Variants in VGLL3 observed in about 807,000 individuals in gnomAD.
The protein encoded by VGLL3 is vestigial like family member 3, also known as transcription cofactor vestigial-like protein 3.
VGLL3 carries 18 observed loss-of-function variants against 29.2 expected under a neutral mutation model. That is an observed-to-expected ratio of 0.62 (90% CI 0.43 to 0.91). VGLL3 has a LOEUF of 0.91. VGLL3 is among the 40% of genes least tolerant of loss of function. The pLI is 0.00. For missense variants in VGLL3, 440 were observed against 413.2 expected (o/e 1.06, Z -0.56); for synonymous variants, 180 against 151.8 (o/e 1.19, Z -1.36).
rs1704504002 is a variant in VGLL3, at chr3:86,946,258, A to C, written c.*766T>G. On this transcript the variant is annotated 3_prime_UTR_variant, in exon 4 of 4. Coordinates refer to ENST00000398399, the MANE Select transcript of VGLL3 (RefSeq NM_016206.4). Reference sequence around the variant, plus strand: ...TCTTTGGGAGAAATCAAAGCAATAAAATATCATTTCTTTAGCACAGTCATT... The same window carrying C: ...TCTTTGGGAGAAATCAAAGCAATAACATATCATTTCTTTAGCACAGTCATT... 1 of 152,178 alleles carries C rather than the reference A, an allele frequency of 6.6e-6. No homozygotes were observed. The highest frequency in any genetic ancestry group is 6.5e-5 in the Admixed American group (1 of 15,278). The allele number at this position is 152,178 out of a possible 1,614,324, so 9.4% of individuals were successfully genotyped here. A position where few individuals can be genotyped will look rare whatever the true frequency, so the allele number is the denominator to read the frequency against.
intron 2 of VGLL3, among the ~76,000 whole-genome samples, chr3:86,972,321 T>C (rs1705118421): frequency 6.6e-6 from 1 of 152,176 alleles, no homozygotes; most frequent in Non-Finnish European, 1.5e-5. Context: ...GAACTTAATA[T>C]TTTCCCAGTC....
At chr3:86,960,526 G>A (rs1289930600) in intron 3 of VGLL3, among the ~76,000 whole-genome samples, 1 of 152,112 alleles carries the variant, frequency 6.6e-6, no homozygotes, top group African/African-American at 2.4e-5. Context: ...TGCTATGAAA[G>A]TCTGTTCAGA....
At chr3:86,949,440 G>A (rs1466860583) in intron 3 of VGLL3, among the ~76,000 whole-genome samples, 1 of 151,942 alleles carries the variant, frequency 6.6e-6, no homozygotes, top group Non-Finnish European at 1.5e-5. Context: ...TAATTACCAG[G>A]CATTCATATT....
chr3:86,975,644 T>C (rs376629435), intron 2 of VGLL3, among the ~76,000 whole-genome samples: 2 of 152,208 alleles, frequency 1.3e-5, no homozygotes, highest in African/African-American at 4.8e-5. Flanking sequence ...AATCATTCAA[T>C]GCATATCTAT....
At position 86,938,810 on chromosome 3, in the gene VGLL3, C is replaced by T. The variant is rs1406338851; in HGVS notation, c.*8214G>A. On this transcript the variant is annotated 3_prime_UTR_variant, in exon 4 of 4. Transcript: ENST00000398399. The stretch of plus-strand genomic sequence containing the variant: ...GGACAAAAGTGTTAAAGCTTTACCA[C>T]GTCAATGTGGTCATATTTAGCTATT... 1 of 152,246 alleles carries T rather than the reference C, an allele frequency of 6.6e-6. No individual in the cohort carries two copies. Among genetic ancestry groups the T allele is most frequent in the Non-Finnish European group, 1.5e-5 (1 of 68,034 alleles). The allele number at this position is 152,246 out of a possible 1,614,324, so 9.4% of individuals were successfully genotyped here.
At chr3:86,987,825 T>C (rs1360517799) in intron 1 of VGLL3, among the ~76,000 whole-genome samples, 2 of 152,310 alleles carry the variant, frequency 1.3e-5, no homozygotes, top group African/African-American at 4.8e-5. Flanking sequence ...TACAGTTAAC[T>C]AGGTTTTTAA....
rs1705257687 is a variant in VGLL3, at chr3:86,978,619, C to T, written c.310G>A (p.Glu104Lys). Residue 104 changes from glutamate (E) to lysine (K), a missense_variant, in exon 2 of 4, where the codon GAA becomes AAA. Coordinates refer to ENST00000398399, the MANE Select transcript of VGLL3 (RefSeq NM_016206.4). ...FQGDIGSVVD[E>K]HFSRALGQAI... ...TGGCCCAAAGCTCTTGAGAAGTGTT[C>T]ATCCACTACTGACCCAATGTCTCCC... 3 of 1,614,156 alleles carry T rather than the reference C, an allele frequency of 1.9e-6. 1 individual carries two copies. The highest frequency in any genetic ancestry group is 2.2e-5 in the South Asian group (2 of 91,082).
At chr3:86,963,957 G>A (rs1203150969) in intron 3 of VGLL3, among the ~76,000 whole-genome samples, 1 of 152,190 alleles carries the variant, frequency 6.6e-6, no homozygotes, top group Admixed American at 6.5e-5. Flanking sequence ...GCACCCACCT[G>A]CATGAATGTG....
chr3:86,944,034 T>G lies in VGLL3; in HGVS notation c.*2990A>C, dbSNP rs564475884. On this transcript the variant is annotated 3_prime_UTR_variant, in exon 4 of 4. Coordinates refer to ENST00000398399, the MANE Select transcript of VGLL3 (RefSeq NM_016206.4). ...TCTAAGTCCAACAGCATCATTTTGA[T>G]GTGAAAAAAGAAGAGCCAGAGAATG... is the stretch of plus-strand genomic sequence containing the variant. The G allele has an allele frequency of 7.2e-5, 11 of 152,246 alleles. No individual in the cohort carries two copies. In the East Asian group the frequency reaches 2.1e-3, roughly 30 times the overall value. The allele number at this position is 152,246 out of a possible 1,614,324, so 9.4% of individuals were successfully genotyped here.
chr3:86,941,342 A>G lies in VGLL3; in HGVS notation c.*5682T>C, dbSNP rs1704393306. 6.6e-6 allele frequency: 1 copy of G among 152,490 alleles called. No homozygotes were observed. Among genetic ancestry groups the G allele is most frequent in the African/African-American group, 2.4e-5 (1 of 41,450 alleles). 9.4% of individuals were successfully genotyped at this position (152,490 alleles called of 1,614,324 possible). A position where few individuals can be genotyped will look rare whatever the true frequency, so the allele number is the denominator to read the frequency against. On this transcript the variant is annotated 3_prime_UTR_variant, in exon 4 of 4. Coordinates refer to ENST00000398399, the MANE Select transcript of VGLL3 (RefSeq NM_016206.4). ...TGTACATCTCTATTAATATAAAGTG[A>G]TATCAATAGGAAAGTTCACATCTTA...
intron 2 of VGLL3, 69 bp from the exon 3 acceptor site, chr3:86,969,192 T>A: frequency 6.8e-7 from 1 of 1,478,208 alleles, no homozygotes; most frequent in East Asian, 2.3e-5. Flanking sequence ...TGCCTCTAAT[T>A]GTCCACTCTA....
rs560088781 is a variant in VGLL3 at position 86,962,956 on chromosome 3, G to A, written c.937+5634C>T. ...TAAAAATACAAAAAATTAGCCGGGC[G>A]TGGTGGCAGATGCCTGTAATTCCAG... On this transcript the variant is annotated intron_variant, in intron 3 of 3. Transcript: ENST00000398399. 7.1e-5 allele frequency: 13 copies of A among 182,648 alleles called. No individual in the cohort carries two copies. The South Asian group carries it at 8.2e-4, about 12-fold the overall frequency. 11.3% of individuals were successfully genotyped at this position (182,648 alleles called of 1,614,324 possible).
chr3:86,986,822 G>T (rs1028905784), intron 1 of VGLL3, among the ~76,000 whole-genome samples: 27 of 151,908 alleles, frequency 1.8e-4, no homozygotes, highest in African/African-American at 6.0e-4. Context: ...CATCAACAAG[G>T]GTGCAACATG....
chr3:86,990,696 G>C lies in VGLL3; in HGVS notation c.48C>G (p.Ser16=). The C allele has an allele frequency of 3.5e-6, 5 of 1,431,996 alleles. No homozygotes were observed. The highest frequency in any genetic ancestry group is 4.6e-6 in the Non-Finnish European group (5 of 1,092,514). 88.7% of individuals were successfully genotyped at this position (1,431,996 alleles called of 1,614,324 possible). A position where few individuals can be genotyped will look rare whatever the true frequency, so the allele number is the denominator to read the frequency against. ...CTGCCATGGGGTTGGGCAGATACTG[G>C]GACGCTCCATAAGGCTGGGGGTGAT... is the stretch of plus-strand genomic sequence containing the variant. ...VMYHPQPYGA[S]QYLPNPMAAT... The change falls in exon 1 of 4, where the codon TCC becomes TCG. Residue 16 remains serine (S), a synonymous_variant. Coordinates refer to ENST00000398399, the MANE Select transcript of VGLL3 (RefSeq NM_016206.4).
chr3:86,983,295 A>G (rs1705367741), intron 1 of VGLL3, among the ~76,000 whole-genome samples: 1 of 152,234 alleles, frequency 6.6e-6, no homozygotes, highest in Non-Finnish European at 1.5e-5. Flanking sequence ...TTGGAGCTAT[A>G]AGAAGAAATC....
chr3:86,986,078 T>C (rs1439772879), intron 1 of VGLL3, among the ~76,000 whole-genome samples: 1 of 151,886 alleles, frequency 6.6e-6, no homozygotes, highest in African/African-American at 2.4e-5. Flanking sequence ...CACACGCACA[T>C]AGCCCAGCTT....
At chr3:86,973,105 T>A (rs556499946) in intron 2 of VGLL3, among the ~76,000 whole-genome samples, 17 of 152,002 alleles carry the variant, frequency 1.1e-4, no homozygotes, top group East Asian at 9.7e-4. Flanking sequence ...TCCAAAAAAA[T>A]TTTTTAAAAT....
Position 86,938,505 on chromosome 3 carries a change from C to T in VGLL3, c.*8519G>A, listed in dbSNP as rs1213382026. ...GTATTTTTTGGCAAGATATTAAATC[C>T]TCTGTTGCTATATTTGGCTCTCTGC... On this transcript the variant is annotated 3_prime_UTR_variant, in exon 4 of 4. Coordinates refer to ENST00000398399, the MANE Select transcript of VGLL3 (RefSeq NM_016206.4). The T allele has an allele frequency of 2.0e-5, 3 of 152,708 alleles. No homozygotes were observed. The highest frequency in any genetic ancestry group is 1.3e-4 in the Admixed American group (2 of 15,294). 9.5% of individuals were successfully genotyped at this position (152,708 alleles called of 1,614,324 possible). A position where few individuals can be genotyped will look rare whatever the true frequency, so the allele number is the denominator to read the frequency against.
Position 86,946,896 on chromosome 3 carries a change from T to G in VGLL3, c.*128A>C. 1.5e-6 allele frequency: 1 copy of G among 664,118 alleles called. No homozygotes were observed. The highest frequency in any genetic ancestry group is 1.9e-5 in the South Asian group (1 of 53,412). 41.1% of individuals were successfully genotyped at this position (664,118 alleles called of 1,614,324 possible). A position where few individuals can be genotyped will look rare whatever the true frequency, so the allele number is the denominator to read the frequency against. ...CAAGAAAGGCCGAAAACCAGTCAAC[T>G]GCGTGACACTTTGTCTTCTCCTTCT... On this transcript the variant is annotated 3_prime_UTR_variant, in exon 4 of 4. Transcript: ENST00000398399.
Sources: allele counts gnomAD v4.1 joint callset (sites outside exome capture counted in the v4.1 genomes callset), GRCh38; gene constraint gnomAD v4.1.1; transcripts MANE v1.5; gene names NCBI Gene and HGNC (gene_info 2026-07-23, HGNC 2026-07-21).